PAPSS2: variants seen among roughly 807,000 people sequenced by gnomAD.
PAPSS2 encodes 3'-phosphoadenosine 5'-phosphosulfate synthase 2.
PAPSS2 carries 61 observed loss-of-function variants against 66.5 expected under a neutral mutation model. The ratio of observed to expected loss-of-function variants is 0.92; its 90% CI spans 0.75 to 1.14. PAPSS2 has a LOEUF of 1.14. Among genes scored for constraint, PAPSS2 ranks in the 50% most tolerant of loss-of-function variants. PAPSS2 has a pLI of 0.00. For synonymous variants in PAPSS2, 289 were observed against 287.5 expected, an observed-to-expected ratio of 1.01 and a Z score of -0.05; for missense variants, 708 against 789.6, an observed-to-expected ratio of 0.90 and a Z score of 1.24.
chr10:87,746,129 A>G lies in PAPSS2; in HGVS notation c.*159A>G, dbSNP rs1467533077. The G allele has an allele frequency of 3.5e-6, 2 of 569,492 alleles. No individual in the cohort carries two copies. The highest frequency in any genetic ancestry group is 3.8e-5 in the African/African-American group (2 of 52,910). 35.3% of individuals were successfully genotyped at this position (569,492 alleles called of 1,614,324 possible). A position where few individuals can be genotyped will look rare whatever the true frequency, so the allele number is the denominator to read the frequency against. Reference sequence around the variant, plus strand: ...TAATTAAAAAAAAATATATATATATACACACACACATATACATACAAAGTC... The same window carrying G: ...TAATTAAAAAAAAATATATATATATGCACACACACATATACATACAAAGTC... On this transcript the variant is annotated 3_prime_UTR_variant, in exon 13 of 13. Coordinates refer to ENST00000456849, the MANE Select transcript of PAPSS2 (RefSeq NM_001015880.2).
intron 1 of PAPSS2, among the ~76,000 whole-genome samples, chr10:87,675,222 A>G (rs1436362171): frequency 2.0e-5 from 3 of 152,274 alleles, no homozygotes; most frequent in Admixed American, 2.0e-4. Context: ...TCTTTCTTCT[A>G]TAAAACAAGG....
chr10:87,727,009 G>A (rs1350244667), intron 8 of PAPSS2, among the ~76,000 whole-genome samples: 2 of 152,158 alleles, frequency 1.3e-5, no homozygotes, highest in African/African-American at 2.4e-5. Context: ...CCCACAAAGA[G>A]GCGTTTCCAA....
chr10:87,675,971 C>CTTTTTTTTT (rs5786787), intron 1 of PAPSS2, among the ~76,000 whole-genome samples: 2 of 127,962 alleles, frequency 1.6e-5, no homozygotes, highest in African/African-American at 6.3e-5. Context: ...TTCCACATTT[C>CTTTTTTTTT]TTTTTTTTTT....
chr10:87,688,811 TTC>T (rs1354965562), intron 1 of PAPSS2, among the ~76,000 whole-genome samples: 27 of 152,260 alleles, frequency 1.8e-4, no homozygotes, highest in African/African-American at 6.5e-4. Flanking sequence ...TTATTCAGAC[TTC>T]TTTGTAAAAC....
chr10:87,712,291 T>A (rs1419017663), intron 2 of PAPSS2, among the ~76,000 whole-genome samples: 2 of 152,148 alleles, frequency 1.3e-5, no homozygotes, highest in Admixed American at 6.6e-5. Flanking sequence ...TGTAAGACGG[T>A]TGTTCAGTGG....
chr10:87,745,263 C>A, intron 12 of PAPSS2, 32 bp downstream of exon 12: 1 of 1,520,476 alleles, frequency 6.6e-7, no homozygotes, highest in Non-Finnish European at 9.0e-7. Flanking sequence ...CTTTTATCAA[C>A]ATCTGTATAA....
chr10:87,740,778 A>C (rs1297568953), intron 9 of PAPSS2, among the ~76,000 whole-genome samples: 3 of 152,240 alleles, frequency 2.0e-5, no homozygotes, highest in Non-Finnish European at 4.4e-5. Flanking sequence ...TTAAATGTAG[A>C]CATAGATATG....
At chr10:87,738,405 CTGTGTGTGTGTATG>C (rs1315555344) in intron 9 of PAPSS2, among the ~76,000 whole-genome samples, 67 of 148,144 alleles carry the variant, frequency 4.5e-4, no homozygotes, top group South Asian at 2.8e-3. Flanking sequence ...TTTTTCTTTT[CTGTGTGTGTGTATG>C]TGTGTGTGTG....
intron 1 of PAPSS2, among the ~76,000 whole-genome samples, chr10:87,689,197 G>A (rs557017585): frequency 5.1e-4 from 75 of 148,460 alleles, no homozygotes; most frequent in Admixed American, 2.1e-3. Context: ...AAAATTAGCC[G>A]GGCATGGTGG....
Position 87,745,085 on chromosome 10 carries a change from T to G in PAPSS2, c.1575T>G (p.Pro525=), listed in dbSNP as rs1180592299. 2.5e-6 allele frequency: 4 copies of G among 1,614,142 alleles called. No homozygotes were observed. The South Asian group carries it at 4.4e-5, about 18-fold the overall frequency. Residue 525 remains proline (P), a synonymous_variant, in exon 12 of 13, where the codon CCT becomes CCG. Transcript: ENST00000456849. ...GGGACCCTGCAGGAATGCCCCATCC[T>G]GAAACCAAGAAGGATCTGTATGAAC... The part of the protein sequence containing the change: ...VGRDPAGMPH[P]ETKKDLYEPT...
chr10:87,661,632 G>A (rs1852754105), intron 1 of PAPSS2, among the ~76,000 whole-genome samples: 1 of 152,130 alleles, frequency 6.6e-6, no homozygotes, highest in Non-Finnish European at 1.5e-5. Flanking sequence ...CAGTCGGCAG[G>A]AGCCCAGGAA....
At chr10:87,699,395 A>G (rs1853274612) in intron 1 of PAPSS2, among the ~76,000 whole-genome samples, 1 of 152,270 alleles carries the variant, frequency 6.6e-6, no homozygotes, top group Admixed American at 6.5e-5. Flanking sequence ...GGGTCCTTTT[A>G]CCTCAGCCTC....
intron 9 of PAPSS2, among the ~76,000 whole-genome samples, chr10:87,740,698 C>G (rs1372157752): frequency 2.0e-5 from 3 of 152,196 alleles, no homozygotes; most frequent in Admixed American, 6.5e-5. Flanking sequence ...ATCCTCTTCT[C>G]TTTTCCAGCT....
intron 10 of PAPSS2, among the ~76,000 whole-genome samples, chr10:87,742,941 T>C (rs1294760304): frequency 6.6e-6 from 1 of 152,162 alleles, no homozygotes; most frequent in East Asian, 1.9e-4. Flanking sequence ...ATTCTCCAGC[T>C]GATTATCAGA....
intron 6 of PAPSS2, 127 bp from the exon 7 acceptor site, chr10:87,715,605 G>GA: frequency 1.4e-6 from 1 of 716,090 alleles, no homozygotes; most frequent in South Asian, 1.5e-5. Flanking sequence ...AACAGGTGGG[G>GA]ACACTTAAAA....
chr10:87,715,380 G>C (rs1458421299), intron 6 of PAPSS2, among the ~76,000 whole-genome samples: 1 of 152,148 alleles, frequency 6.6e-6, no homozygotes, highest in Non-Finnish European at 1.5e-5. Flanking sequence ...GTACCAGTAA[G>C]TACATCTGGT....
At chr10:87,677,019 C>A (rs901938419) in intron 1 of PAPSS2, among the ~76,000 whole-genome samples, 1 of 150,492 alleles carries the variant, frequency 6.6e-6, no homozygotes, top group Non-Finnish European at 1.5e-5. Flanking sequence ...CATGATGAAA[C>A]CCCATCTCTA....
chr10:87,673,107 A>G lies in PAPSS2; in HGVS notation c.27+13099A>G, dbSNP rs1226913103. 2.6e-5 allele frequency among the ~76,000 whole-genome samples: 4 copies of G among 152,210 alleles called. No individual in the cohort carries two copies. The South Asian group carries it at 8.3e-4, about 32-fold the overall frequency. Reference sequence around the variant, plus strand: ...GTTCAGTTGGAAGATGCTTAGGCCCATGGCCTGTCAGCGTGTAACTCTATG... The same window carrying G: ...GTTCAGTTGGAAGATGCTTAGGCCCGTGGCCTGTCAGCGTGTAACTCTATG... On this transcript the variant is annotated intron_variant, in intron 1 of 12. Coordinates refer to ENST00000456849, the MANE Select transcript of PAPSS2 (RefSeq NM_001015880.2).
At chr10:87,677,299 T>G (rs1330764618) in intron 1 of PAPSS2, among the ~76,000 whole-genome samples, 1 of 152,236 alleles carries the variant, frequency 6.6e-6, no homozygotes, top group African/African-American at 2.4e-5. Flanking sequence ...GATTTACAGT[T>G]GTGTTTTTTT....
Sources: allele counts gnomAD v4.1 joint callset (sites outside exome capture counted in the v4.1 genomes callset), GRCh38; gene constraint gnomAD v4.1.1; transcripts MANE v1.5; gene names NCBI Gene and HGNC (gene_info 2026-07-23, HGNC 2026-07-21).